KIAA1549L: variants seen among roughly 807,000 people sequenced by gnomAD.
KIAA1549L encodes UPF0606 protein KIAA1549L.
A neutral mutation model predicts 160.7 loss-of-function variants in KIAA1549L; 88 were observed. That is an observed-to-expected ratio of 0.55 (90% CI 0.46 to 0.65). The LOEUF (loss-of-function observed/expected upper bound fraction) is 0.65. Among genes scored for constraint, KIAA1549L ranks in the 30% least tolerant of loss-of-function variants. The pLI is 0.00. For missense variants in KIAA1549L, 2,258 were observed against 2,437.5 expected (o/e 0.93, Z 1.55); for synonymous variants, 950 against 976.7 (o/e 0.97, Z 0.51).
chr11:33,667,895 A>G lies in KIAA1549L; in HGVS notation c.6182A>G (p.Glu2061Gly), dbSNP rs780774454. 1.2e-6 allele frequency: 2 copies of G among 1,612,722 alleles called. No individual in the cohort carries two copies. Among genetic ancestry groups the G allele is most frequent in the Non-Finnish European group, 8.5e-7 (1 of 1,179,424 alleles). Residue 2061 changes from glutamate to glycine, a missense_variant, in exon 21 of 21, where the codon GAG becomes GGG. Around this residue, in one of 6 missense-constraint regions of KIAA1549L, gnomAD observed 1,359 missense variants for 1,546.6 expected, o/e 0.88. Transcript: ENST00000658780. ...ADSVPLPGYI[E>G]AYPRSRYPQS... ...CAGGTGCCCCTCCCAGGGTACATCG[A>G]GGCCTACCCCCGATCACGGTACCCC...
intron 1 of KIAA1549L, among the ~76,000 whole-genome samples, chr11:33,398,662 G>C (rs1471146867): frequency 6.6e-6 from 1 of 152,172 alleles, no homozygotes; most frequent in Non-Finnish European, 1.5e-5. Flanking sequence ...TCATAACCTA[G>C]TTAGAAGAAG....
In KIAA1549L at chr11:33,668,214, C is replaced by G. The variant is rs1852551033; in HGVS notation, c.*60C>G. 1.3e-6 allele frequency: 2 copies of G among 1,512,954 alleles called. No homozygotes were observed. The allele number at this position is 1,512,954 out of a possible 1,614,324, so 93.7% of individuals were successfully genotyped here. The stretch of plus-strand genomic sequence containing the variant: ...TCTGAGGACTCAGCCTTTGGGTTTC[C>G]CATGCCTACGTGTTAGGACTTGAGA... On this transcript the variant is annotated 3_prime_UTR_variant, in exon 21 of 21. Coordinates refer to ENST00000658780, the MANE Select transcript of KIAA1549L (RefSeq NM_012194.3).
rs541392732 is a variant in KIAA1549L, at chr11:33,658,877, C to G, written c.5986C>G (p.Gln1996Glu). 1.3e-6 allele frequency: 2 copies of G among 1,558,318 alleles called. No homozygotes were observed. The highest frequency in any genetic ancestry group is 1.7e-6 in the Non-Finnish European group (2 of 1,151,068). Residue 1996 changes from glutamine (Q) to glutamate (E), a missense_variant, in exon 19 of 21, where the codon CAG becomes GAG. Gln to Glu is a conservative substitution (Grantham distance 29, BLOSUM62 2). This residue lies in a region of KIAA1549L where 1,359 missense variants were observed against 1,546.6 expected (regional missense o/e 0.88). Coordinates refer to ENST00000658780, the MANE Select transcript of KIAA1549L (RefSeq NM_012194.3). ...RGPVSVTQLDQSALNYSGNTV... is the reference protein window; with the variant it reads ...RGPVSVTQLDESALNYSGNTV... ...CCCTGTGTCCGTGACGCAGTTGGAT[C>G]AGTCGGCTTTAAATTACTCAGGTGG... is the stretch of plus-strand genomic sequence containing the variant.
chr11:33,381,740 T>C (rs868472683), intron 1 of KIAA1549L, among the ~76,000 whole-genome samples: 3 of 152,190 alleles, frequency 2.0e-5, no homozygotes, highest in African/African-American at 4.8e-5. Flanking sequence ...GAAGCTGTTA[T>C]TGAAATCAAT....
At chr11:33,420,084 T>A (rs1850975076) in intron 1 of KIAA1549L, among the ~76,000 whole-genome samples, 1 of 152,138 alleles carries the variant, frequency 6.6e-6, no homozygotes, top group South Asian at 2.1e-4. Flanking sequence ...TTTTACAGTA[T>A]ATCATCTGAC....
chr11:33,423,952 C>T (rs1338347204), intron 1 of KIAA1549L, among the ~76,000 whole-genome samples: 1 of 151,978 alleles, frequency 6.6e-6, no homozygotes, highest in Admixed American at 6.5e-5. Context: ...TTGCCTGAGC[C>T]CAGGAGGTTG....
intron 13 of KIAA1549L, among the ~76,000 whole-genome samples, chr11:33,602,473 G>T (rs768256348): frequency 6.6e-6 from 1 of 152,168 alleles, no homozygotes; most frequent in Middle Eastern, 3.2e-3. Context: ...GAAAAAGCAC[G>T]TGTTGGATAA....
intron 1 of KIAA1549L, among the ~76,000 whole-genome samples, chr11:33,451,562 C>G (rs181377816): frequency 3.3e-5 from 5 of 152,316 alleles, no homozygotes; most frequent in African/African-American, 1.2e-4. Context: ...TTAAATTTTA[C>G]TCACTCTCCA....
rs534795759 is a variant in KIAA1549L at position 33,667,257 on chromosome 11, A to G, written c.6160-616A>G. 4.6e-5 allele frequency among the ~76,000 whole-genome samples: 7 copies of G among 152,274 alleles called. No homozygotes were observed. The East Asian group carries it at 9.6e-4, about 21-fold the overall frequency. On this transcript the variant is annotated intron_variant, in intron 20 of 20. Transcript: ENST00000658780. ...GGTAGATTCAAATATAGACTCAGAT[A>G]TATATTCCTAAGGTTTTTCAGCAAA... is the stretch of plus-strand genomic sequence containing the variant.
intron 11 of KIAA1549L, among the ~76,000 whole-genome samples, chr11:33,586,603 A>T (rs960216242): frequency 3.3e-5 from 5 of 152,082 alleles, no homozygotes; most frequent in South Asian, 2.1e-4. Flanking sequence ...GGTGGATAGG[A>T]CTATATCCAG....
chr11:33,637,541 T>C (rs545176970), intron 16 of KIAA1549L, among the ~76,000 whole-genome samples: 2 of 152,354 alleles, frequency 1.3e-5, no homozygotes, highest in Non-Finnish European at 2.9e-5. Context: ...ATTAGTTTGC[T>C]AGGGCACAGA....
At position 33,671,916 on chromosome 11, in the gene KIAA1549L, A is replaced by G. The variant is rs1210339796; in HGVS notation, c.*3762A>G. On this transcript the variant is annotated 3_prime_UTR_variant, in exon 21 of 21. Transcript: ENST00000658780. ...AACTACATCCAAATACTCTTAAGGA[A>G]AGAGTGTCATTTAGCTTGGAGTAGG... The G allele has an allele frequency of 6.6e-6, 1 of 152,250 alleles. No individual in the cohort carries two copies. Among genetic ancestry groups the G allele is most frequent in the Non-Finnish European group, 1.5e-5 (1 of 68,044 alleles). The allele number at this position is 152,250 out of a possible 1,614,324, so 9.4% of individuals were successfully genotyped here. A position where few individuals can be genotyped will look rare whatever the true frequency, so the allele number is the denominator to read the frequency against.
chr11:33,514,607 G>A (rs1275682192), intron 1 of KIAA1549L, among the ~76,000 whole-genome samples: 2 of 152,176 alleles, frequency 1.3e-5, no homozygotes, highest in African/African-American at 2.4e-5. Context: ...GCACTTCCTG[G>A]TGTCTTTATT....
At chr11:33,550,042 C>CA (rs11284498) in intron 4 of KIAA1549L, among the ~76,000 whole-genome samples, 2,708 of 138,282 alleles carry the variant, frequency 0.02, 75 homozygotes, top group African/African-American at 0.061. Flanking sequence ...AAAAAAGAAA[C>CA]AAAAAAAAAA....
At chr11:33,629,300 T>C (rs1321784284) in intron 16 of KIAA1549L, among the ~76,000 whole-genome samples, 21 of 152,106 alleles carry the variant, frequency 1.4e-4, no homozygotes, top group East Asian at 1.9e-4. Flanking sequence ...ATCTTTGTGG[T>C]GTTCTCTGTA....
chr11:33,391,277 G>T (rs1053290543), intron 1 of KIAA1549L, among the ~76,000 whole-genome samples: 6 of 152,120 alleles, frequency 3.9e-5, no homozygotes, highest in African/African-American at 1.4e-4. Flanking sequence ...CATTGGTTTG[G>T]TTTTCTGGCA....
chr11:33,511,039 G>A (rs1853216672), intron 1 of KIAA1549L, among the ~76,000 whole-genome samples: 1 of 152,244 alleles, frequency 6.6e-6, no homozygotes, highest in Non-Finnish European at 1.5e-5. Context: ...CTCAGAAGCT[G>A]GAAGGCTAAA....
intron 13 of KIAA1549L, among the ~76,000 whole-genome samples, chr11:33,604,266 C>A (rs1850441201): frequency 6.6e-6 from 1 of 152,100 alleles, no homozygotes; most frequent in African/African-American, 2.4e-5. Flanking sequence ...AGATGTTGGC[C>A]TGAGCTGTCA....
intron 1 of KIAA1549L, among the ~76,000 whole-genome samples, chr11:33,437,143 G>A (rs1466204790): frequency 1.3e-5 from 2 of 152,166 alleles, no homozygotes; most frequent in Admixed American, 1.3e-4. Flanking sequence ...GCTGGGATGA[G>A]TATGTTAATT....
Sources: allele counts gnomAD v4.1 joint callset (sites outside exome capture counted in the v4.1 genomes callset), GRCh38; gene constraint gnomAD v4.1.1; regional missense constraint gnomAD v4.1.1; transcripts MANE v1.5; gene names NCBI Gene and HGNC (gene_info 2026-07-23, HGNC 2026-07-21).